The following LOC128125817 variants were observed in gnomAD, a reference collection of about 807,000 sequenced individuals.
chr1:41,619,665 G>T, the LOC128125817 span, among the ~76,000 whole-genome samples: 5 of 152,158 alleles, frequency 3.3e-5, no homozygotes, highest in African/African-American at 1.2e-4. Flanking sequence ...AGGAGTGGGG[G>T]AAGGGATGAG....
chr1:41,597,644 C>T, the LOC128125817 span, among the ~76,000 whole-genome samples: 1 of 152,198 alleles, frequency 6.6e-6, no homozygotes, highest in Non-Finnish European at 1.5e-5. Context: ...GCAGTGGTGA[C>T]CCTCAAGGCA....
the LOC128125817 span, among the ~76,000 whole-genome samples, chr1:41,605,287 C>T: frequency 0.028 from 4,267 of 150,752 alleles, 197 homozygotes; most frequent in African/African-American, 0.1. Context: ...GTATTTACTC[C>T]GAAGGGGCAT....
At chr1:41,615,675 C>T in the LOC128125817 span, among the ~76,000 whole-genome samples, 2 of 152,104 alleles carry the variant, frequency 1.3e-5, no homozygotes, top group Non-Finnish European at 2.9e-5. Flanking sequence ...TCAGGGCAAG[C>T]CCGGTGGGGG....
At chr1:41,626,098 G>A in the LOC128125817 span, among the ~76,000 whole-genome samples, 1 of 152,330 alleles carries the variant, frequency 6.6e-6, no homozygotes, top group South Asian at 2.1e-4. Context: ...CTTCTGAAGA[G>A]TGGCTGTGAC....
chr1:41,613,525 A>C, the LOC128125817 span, among the ~76,000 whole-genome samples: 2 of 152,248 alleles, frequency 1.3e-5, no homozygotes, highest in Non-Finnish European at 2.9e-5. Flanking sequence ...GAATGAACAA[A>C]GTTAAAATTG....
chr1:41,627,305 G>A, the LOC128125817 span, among the ~76,000 whole-genome samples: 1 of 152,222 alleles, frequency 6.6e-6, no homozygotes, highest in African/African-American at 2.4e-5. Flanking sequence ...AGAAGGATGA[G>A]GCAGAGTTGG....
the LOC128125817 span, among the ~76,000 whole-genome samples, chr1:41,600,284 T>C: frequency 6.6e-6 from 1 of 152,176 alleles, no homozygotes; most frequent in African/African-American, 2.4e-5. Context: ...CATAGCGGCA[T>C]GATTTACAAC....
the LOC128125817 span, among the ~76,000 whole-genome samples, chr1:41,627,051 G>A: frequency 2.0e-5 from 3 of 152,236 alleles, no homozygotes; most frequent in Non-Finnish European, 4.4e-5. Context: ...AACCATGTGG[G>A]CAGCAGCATC....
At chr1:41,616,700 G>A in the LOC128125817 span, among the ~76,000 whole-genome samples, 1 of 131,352 alleles carries the variant, frequency 7.6e-6, no homozygotes, top group Non-Finnish European at 1.6e-5. Context: ...TGATCCTCCC[G>A]CCTTAGCATC....
chr1:41,606,414 C>T, the LOC128125817 span, among the ~76,000 whole-genome samples: 6 of 151,920 alleles, frequency 3.9e-5, no homozygotes, highest in Non-Finnish European at 7.4e-5. Flanking sequence ...ACATTCTCAT[C>T]GACAGTATAA....
chr1:41,610,510 T>C, the LOC128125817 span, among the ~76,000 whole-genome samples: 1 of 152,196 alleles, frequency 6.6e-6, no homozygotes, highest in Non-Finnish European at 1.5e-5. Context: ...GGCATTCCCA[T>C]TGAGCCTCTT....
chr1:41,604,560 C>T, the LOC128125817 span, among the ~76,000 whole-genome samples: 1 of 152,154 alleles, frequency 6.6e-6, no homozygotes, highest in Non-Finnish European at 1.5e-5. Flanking sequence ...AAAGTGCTTG[C>T]TGAGGAGACT....
the LOC128125817 span, among the ~76,000 whole-genome samples, chr1:41,600,636 TG>T: frequency 1.3e-5 from 2 of 152,222 alleles, no homozygotes; most frequent in African/African-American, 4.8e-5. Flanking sequence ...TGCGCAGCAA[TG>T]TGACTGCTTA....
At chr1:41,617,117 C>G in the LOC128125817 span, among the ~76,000 whole-genome samples, 69 of 152,330 alleles carry the variant, frequency 4.5e-4, no homozygotes, top group Middle Eastern at 3.4e-3. Context: ...AATCTTGTTA[C>G]AGCTGAATGA....
the LOC128125817 span, among the ~76,000 whole-genome samples, chr1:41,595,608 T>C: frequency 6.6e-6 from 1 of 152,160 alleles, no homozygotes. Context: ...TAATATCGAA[T>C]GTCAACTTGA....
chr1:41,605,373 GCGCACA>G, the LOC128125817 span, among the ~76,000 whole-genome samples: 332 of 106,792 alleles, frequency 3.1e-3, 4 homozygotes, highest in African/African-American at 0.01. Context: ...ACACGCACAC[GCGCACA>G]CACACACACA....
the LOC128125817 span, chr1:41,628,752 T>G: frequency 8.1e-7 from 1 of 1,232,178 alleles, no homozygotes; most frequent in Admixed American, 4.2e-5. Flanking sequence ...TTCCTACCTG[T>G]GCTGAAGGCA....
chr1:41,614,447 C>T, the LOC128125817 span, among the ~76,000 whole-genome samples: 8 of 152,188 alleles, frequency 5.3e-5, 1 homozygote, highest in Non-Finnish European at 8.8e-5. Context: ...ACCCTTTCTG[C>T]CTAAGGCAAG....
the LOC128125817 span, among the ~76,000 whole-genome samples, chr1:41,608,261 C>T: frequency 6.6e-6 from 1 of 152,286 alleles, no homozygotes; most frequent in Admixed American, 6.5e-5. Flanking sequence ...AGGAAGTGGC[C>T]AGGGAACTCC....
Sources: allele counts gnomAD v4.1 joint callset (sites outside exome capture counted in the v4.1 genomes callset), GRCh38; gene constraint gnomAD v4.1.1; transcripts MANE v1.5.